OR5D3: variants seen among roughly 807,000 people sequenced by gnomAD.
OR5D3 encodes the protein olfactory receptor 5D3.
the OR5D3 span, chr11:55,727,297 G>T: frequency 2.8e-5 from 11 of 391,134 alleles, no homozygotes; most frequent in African/African-American, 1.5e-4. Flanking sequence ...TAACTTTAAA[G>T]TTATAAATAC....
chr11:55,725,885 G>A, the OR5D3 span, among the ~76,000 whole-genome samples: 15,366 of 151,978 alleles, frequency 0.1, 936 homozygotes, highest in African/African-American at 0.16. Context: ...AGAAATATTT[G>A]CACTTATCTC....
At chr11:55,724,429 G>A in the OR5D3 span, among the ~76,000 whole-genome samples, 4 of 152,130 alleles carry the variant, frequency 2.6e-5, no homozygotes, top group African/African-American at 9.6e-5. Flanking sequence ...AAGCACTAAT[G>A]TTTGCAATAT....
the OR5D3 span, among the ~76,000 whole-genome samples, chr11:55,725,377 TAAATC>T: frequency 6.6e-6 from 1 of 152,076 alleles, no homozygotes; most frequent in African/African-American, 2.4e-5. Flanking sequence ...GCTTTAAACT[TAAATC>T]AAAAGGACAG....
At chr11:55,727,364 T>A in the OR5D3 span, 4 of 332,436 alleles carry the variant, frequency 1.2e-5, no homozygotes, top group Non-Finnish European at 2.2e-5. Context: ...AATATTGTAA[T>A]ACAAAAGTTT....
the OR5D3 span, among the ~76,000 whole-genome samples, chr11:55,725,272 C>T: frequency 8.4e-4 from 128 of 151,908 alleles, no homozygotes; most frequent in Non-Finnish European, 1.5e-3. Context: ...TCACATTTTA[C>T]CATTGAGGAA....
chr11:55,724,061 T>G, the OR5D3 span: 1 of 395,724 alleles, frequency 2.5e-6, no homozygotes, highest in Non-Finnish European at 4.4e-6. Context: ...TTAGGTGAGT[T>G]GATTTAGTTT....
the OR5D3 span, among the ~76,000 whole-genome samples, chr11:55,725,921 C>T: frequency 6.6e-6 from 1 of 152,040 alleles, no homozygotes; most frequent in Non-Finnish European, 1.5e-5. Context: ...TAGAGTGGCT[C>T]TTCTCATGAA....
the OR5D3 span, chr11:55,723,804 T>C: frequency 2.9e-6 from 1 of 346,632 alleles, no homozygotes; most frequent in Non-Finnish European, 5.2e-6. Flanking sequence ...GGGCAAATAT[T>C]TGTGACACAG....
chr11:55,725,367 G>C, the OR5D3 span, among the ~76,000 whole-genome samples: 2 of 151,930 alleles, frequency 1.3e-5, no homozygotes, highest in African/African-American at 4.8e-5. Flanking sequence ...TCTTGGCAAA[G>C]CTTTAAACTT....
the OR5D3 span, chr11:55,728,858 C>T: frequency 1.3e-5 from 2 of 151,730 alleles, no homozygotes; most frequent in Non-Finnish European, 2.9e-5. Flanking sequence ...ATGCTCTAGT[C>T]GAGTATTTTT....
chr11:55,728,083 TG>T, the OR5D3 span: 1 of 152,088 alleles, frequency 6.6e-6, no homozygotes, highest in Non-Finnish European at 1.5e-5. Context: ...GTGTCAAGAA[TG>T]GGGTAACTAG....
At chr11:55,724,964 G>C in the OR5D3 span, among the ~76,000 whole-genome samples, 1 of 151,972 alleles carries the variant, frequency 6.6e-6, no homozygotes, top group Non-Finnish European at 1.5e-5. Flanking sequence ...GGAAAATATA[G>C]TTATGACTTA....
At chr11:55,723,829 T>C in the OR5D3 span, 7 of 360,602 alleles carry the variant, frequency 1.9e-5, no homozygotes, top group Non-Finnish European at 3.5e-5. Context: ...GTGCTAGGAC[T>C]TAGTTTCTAG....
At chr11:55,728,547 T>TA in the OR5D3 span, 1 of 152,084 alleles carries the variant, frequency 6.6e-6, no homozygotes, top group Non-Finnish European at 1.5e-5. Context: ...TATAAGAACT[T>TA]ACATTTTCTC....
At chr11:55,726,311 C>T in the OR5D3 span, 6 of 439,958 alleles carry the variant, frequency 1.4e-5, no homozygotes, top group South Asian at 2.5e-4. Context: ...GTCTTCCTGA[C>T]CATCTACACA....
chr11:55,724,666 A>G, the OR5D3 span, among the ~76,000 whole-genome samples: 1 of 152,088 alleles, frequency 6.6e-6, no homozygotes, highest in Admixed American at 6.5e-5. Context: ...TGCAGTTTTC[A>G]TGCATTCATC....
At chr11:55,723,889 A>G in the OR5D3 span, 1 of 382,832 alleles carries the variant, frequency 2.6e-6, no homozygotes, top group East Asian at 3.7e-5. Flanking sequence ...GGTTGGGTAA[A>G]AAAGTAACAT....
At chr11:55,725,645 A>G in the OR5D3 span, among the ~76,000 whole-genome samples, 1 of 152,066 alleles carries the variant, frequency 6.6e-6, no homozygotes, top group Non-Finnish European at 1.5e-5. Context: ...TTCAACATGC[A>G]TGAGAAAGAT....
chr11:55,726,124 A>C, the OR5D3 span: 2 of 397,306 alleles, frequency 5.0e-6, no homozygotes, highest in South Asian at 2.8e-4. Context: ...ATAAAGACCC[A>C]CTAAGTCTCT....
Sources: allele counts gnomAD v4.1 joint callset (sites outside exome capture counted in the v4.1 genomes callset), GRCh38; gene constraint gnomAD v4.1.1; transcripts MANE v1.5; gene names NCBI Gene and HGNC (gene_info 2026-07-23, HGNC 2026-07-21).